CDH13: variants seen among roughly 807,000 people sequenced by gnomAD.
The protein encoded by CDH13 is cadherin 13, also known as cadherin-13.
CDH13 carries 24 observed loss-of-function variants against 63.8 expected under a neutral mutation model. The observed-to-expected ratio is 0.38, with a 90% CI of 0.27 to 0.53. The LOEUF is 0.53. CDH13 is among the 20% of genes least tolerant of loss of function. The pLI, the probability that CDH13 is intolerant of heterozygous loss-of-function variation, is 0.85. For synonymous variants in CDH13, 503 were observed against 355.3 expected (o/e 1.42, Z -4.67); for missense variants, 1,049 against 903.1 (o/e 1.16, Z -2.07).
chr16:82,708,704 G>C (rs1015958748), intron 1 of CDH13, among the ~76,000 whole-genome samples: 2 of 152,178 alleles, frequency 1.3e-5, no homozygotes, highest in Admixed American at 1.3e-4. Flanking sequence ...TCTAAAAAGA[G>C]GGGACTCCGA....
intron 8 of CDH13, among the ~76,000 whole-genome samples, chr16:83,660,743 A>T (rs1913362420): frequency 1.3e-5 from 2 of 152,184 alleles, no homozygotes; most frequent in African/African-American, 4.8e-5. Flanking sequence ...CCAGATTCAG[A>T]TGTTGGTGGT....
intron 8 of CDH13, among the ~76,000 whole-genome samples, chr16:83,669,344 G>A (rs1914295353): frequency 6.6e-6 from 1 of 152,202 alleles, no homozygotes; most frequent in Non-Finnish European, 1.5e-5. Context: ...GCCTCTGGGA[G>A]ATTCTAATGT....
intron 2 of CDH13, among the ~76,000 whole-genome samples, chr16:82,921,224 A>C (rs1259948236): frequency 6.6e-6 from 1 of 152,142 alleles, no homozygotes; most frequent in Non-Finnish European, 1.5e-5. Flanking sequence ...CAGAAGTCCA[A>C]AATCGGCATC....
chr16:83,589,961 A>T (rs2150734733), intron 7 of CDH13, among the ~76,000 whole-genome samples: 1 of 152,116 alleles, frequency 6.6e-6, no homozygotes, highest in South Asian at 2.1e-4. Context: ...GGAAATGTGC[A>T]GGGAGGGCAG....
At chr16:83,042,244 A>C (rs577967592) in intron 3 of CDH13, among the ~76,000 whole-genome samples, 18 of 152,226 alleles carry the variant, frequency 1.2e-4, no homozygotes, top group Non-Finnish European at 2.4e-4. Context: ...GCAGGTGAGC[A>C]AGCAAAGCTT....
chr16:83,636,536 G>A (rs1205817185), intron 8 of CDH13, among the ~76,000 whole-genome samples: 1 of 152,104 alleles, frequency 6.6e-6, no homozygotes, highest in Non-Finnish European at 1.5e-5. Context: ...AACCTGCAGT[G>A]TTTAGTTTTC....
At chr16:82,711,150 G>A (rs751209129) in intron 1 of CDH13, among the ~76,000 whole-genome samples, 2 of 152,108 alleles carry the variant, frequency 1.3e-5, no homozygotes, top group Non-Finnish European at 2.9e-5. Context: ...ACATGAAAGG[G>A]CCGCGTGGCA....
At chr16:83,601,369 A>G (rs543224735) in intron 7 of CDH13, among the ~76,000 whole-genome samples, 2 of 152,340 alleles carry the variant, frequency 1.3e-5, no homozygotes, top group South Asian at 4.1e-4. Flanking sequence ...TGTTTTGAGT[A>G]TATAAACATG....
intron 12 of CDH13, among the ~76,000 whole-genome samples, chr16:83,781,538 T>C (rs1409446610): frequency 2.0e-5 from 3 of 152,206 alleles, no homozygotes; most frequent in Admixed American, 1.3e-4. Flanking sequence ...CCCTATCTCA[T>C]ATCTCATTTT....
chr16:83,723,360 G>C (rs1284533780), intron 10 of CDH13, among the ~76,000 whole-genome samples: 2 of 152,210 alleles, frequency 1.3e-5, no homozygotes, highest in East Asian at 3.8e-4. Flanking sequence ...GATACTAAAG[G>C]GCTGAGCCAA....
chr16:82,715,917 A>G (rs1486181078), intron 1 of CDH13, among the ~76,000 whole-genome samples: 1 of 152,202 alleles, frequency 6.6e-6, no homozygotes, highest in African/African-American at 2.4e-5. Context: ...GCCACATCAC[A>G]GTGTTACCAG....
Position 83,137,329 on chromosome 16 carries a change from A to C in CDH13, c.483+11828A>C, listed in dbSNP as rs77512509. On this transcript the variant is annotated intron_variant, in intron 4 of 13. Transcript: ENST00000567109. ...CAAGTCACTCTCCTAAGGCTGGAAA[A>C]TTCTGCAGCAATTGTCCCAGTTCTA... Among the ~76,000 whole-genome samples, 56 of 152,298 alleles carry C rather than the reference A, an allele frequency of 3.7e-4. No individual in the cohort carries two copies. The East Asian group carries it at 9.9e-3, about 27-fold the overall frequency.
chr16:83,789,741 T>G (rs922653095), intron 13 of CDH13, among the ~76,000 whole-genome samples: 1 of 152,132 alleles, frequency 6.6e-6, no homozygotes, highest in Non-Finnish European at 1.5e-5. Flanking sequence ...AGAATCTCTT[T>G]GATGTTTCTT....
chr16:83,306,393 G>A (rs2089879710), intron 5 of CDH13, among the ~76,000 whole-genome samples: 1 of 152,104 alleles, frequency 6.6e-6, no homozygotes, highest in African/African-American at 2.4e-5. Flanking sequence ...GTTTGAGTGA[G>A]TTCTTGCTTT....
At chr16:83,473,089 G>C (rs1347928148) in intron 6 of CDH13, among the ~76,000 whole-genome samples, 1 of 152,120 alleles carries the variant, frequency 6.6e-6, no homozygotes, top group Non-Finnish European at 1.5e-5. Context: ...CTCAATCCCA[G>C]CGCATTTAAT....
intron 6 of CDH13, among the ~76,000 whole-genome samples, chr16:83,347,791 C>T (rs771140145): frequency 1.3e-5 from 2 of 152,226 alleles, no homozygotes; most frequent in Non-Finnish European, 2.9e-5. Flanking sequence ...TGCCTTAATT[C>T]TCTGCAAATT....
At chr16:83,155,820 C>A (rs1198841897) in intron 4 of CDH13, among the ~76,000 whole-genome samples, 1 of 152,328 alleles carries the variant, frequency 6.6e-6, no homozygotes, top group South Asian at 2.1e-4. Context: ...CAGGTAAACA[C>A]ACAATGCCAC....
At chr16:82,894,284 A>G (rs2041175332) in intron 2 of CDH13, among the ~76,000 whole-genome samples, 1 of 152,158 alleles carries the variant, frequency 6.6e-6, no homozygotes. Context: ...TTGTTCTCCC[A>G]TGTTGGAAGA....
chr16:83,794,906 G>A (rs574887538), intron 13 of CDH13, 117 bp from the exon 14 acceptor site: 6 of 900,692 alleles, frequency 6.7e-6, no homozygotes, highest in African/African-American at 6.6e-5. Flanking sequence ...CCCCATAGTC[G>A]TGTGATGTTT....
Sources: allele counts gnomAD v4.1 joint callset (sites outside exome capture counted in the v4.1 genomes callset), GRCh38; gene constraint gnomAD v4.1.1; transcripts MANE v1.5; gene names NCBI Gene and HGNC (gene_info 2026-07-23, HGNC 2026-07-21).